Variants in DNAJC21 observed in about 807,000 individuals in gnomAD.
DNAJC21 encodes the protein dnaJ homolog subfamily C member 21.
A neutral mutation model predicts 72.4 loss-of-function variants in DNAJC21; 63 were observed. That is an observed-to-expected ratio of 0.87 (90% CI 0.71 to 1.07). DNAJC21 has a LOEUF of 1.07. Ranked by LOEUF, DNAJC21 falls within the 50% of genes least tolerant of loss-of-function variation. The pLI, the probability that DNAJC21 is intolerant of heterozygous loss-of-function variation, is 0.00. For synonymous variants in DNAJC21, 203 were observed against 216.7 expected (o/e 0.94, Z 0.56); for missense variants, 634 against 644.8 (o/e 0.98, Z 0.18).
chr5:34,944,930 G>A lies in DNAJC21; in HGVS notation c.1047G>A (p.Leu349=), dbSNP rs1765123326. 1 of 1,613,922 alleles carries A rather than the reference G, an allele frequency of 6.2e-7. No homozygotes were observed. The highest frequency in any genetic ancestry group is 1.7e-5 in the Admixed American group (1 of 59,988). ...REMVALLKQQ[L]EEEEENFSRP... is the part of the protein sequence containing the mutation. ...TGGTGGCCTTGCTAAAACAACAGCT[G>A]GAGGAGGAAGAAGAAAATTTTTCAA... Residue 349 remains leucine, a synonymous_variant, in exon 8 of 12, where the codon CTG becomes CTA. Coordinates refer to ENST00000648817, the MANE Select transcript of DNAJC21 (RefSeq NM_001012339.3).
At chr5:34,931,353 A>G (rs770730704) in intron 1 of DNAJC21, among the ~76,000 whole-genome samples, 8 of 152,244 alleles carry the variant, frequency 5.3e-5, no homozygotes, top group South Asian at 2.1e-4. Context: ...AAAATAGTGT[A>G]GAAGTATATT....
chr5:34,944,426 G>A (rs770355847), intron 7 of DNAJC21, among the ~76,000 whole-genome samples: 4 of 152,088 alleles, frequency 2.6e-5, no homozygotes, highest in African/African-American at 9.7e-5. Context: ...CAAGTCTGTG[G>A]GATGGCCTGG....
At position 34,936,168 on chromosome 5, in the gene DNAJC21, GT is replaced by G. The variant is rs1764767232; in HGVS notation, c.345del (p.Phe115LeufsTer3). ...GGGATTTTACACGGTGTATCGTAAT[GT>G]TTTTGAAATGATTGCCAAGGAAGAA... ...EKGFYTVYRN[V>X]FEMIAKEELE... is the part of the protein sequence containing the mutation. On this transcript the variant is annotated frameshift_variant, in exon 4 of 12. Coordinates refer to ENST00000648817, the MANE Select transcript of DNAJC21 (RefSeq NM_001012339.3). LOFTEE classifies it high-confidence loss of function. 1 of 1,613,888 alleles carries G rather than the reference GT, an allele frequency of 6.2e-7. No individual in the cohort carries two copies. Among genetic ancestry groups the G allele is most frequent in the Non-Finnish European group, 8.5e-7 (1 of 1,179,972 alleles).
At chr5:34,945,505 T>C (rs1382313446) in intron 8 of DNAJC21, among the ~76,000 whole-genome samples, 1 of 152,216 alleles carries the variant, frequency 6.6e-6, no homozygotes, top group Non-Finnish European at 1.5e-5. Flanking sequence ...TAGAACATAT[T>C]ATCACTATAT....
Position 34,933,837 on chromosome 5 carries a change from A to G in DNAJC21, c.120A>G (p.Ala40=), listed in dbSNP as rs962222842. Residue 40 remains alanine, a synonymous_variant, in exon 2 of 12, where the codon GCA becomes GCG. Coordinates refer to ENST00000648817, the MANE Select transcript of DNAJC21 (RefSeq NM_001012339.3). ...WHPDKNLDNA[A]EAAEQFKLIQ... ...CAGATAAAAATCTGGATAATGCCGC[A>G]GAAGCAGCTGAACAATTTAAATTAA... The G allele has an allele frequency of 1.3e-5, 21 of 1,613,912 alleles. No homozygotes were observed. Among genetic ancestry groups the G allele is most frequent in the Non-Finnish European group, 1.7e-5 (20 of 1,179,906 alleles).
chr5:34,950,515 G>T, intron 10 of DNAJC21, 173 bp downstream of exon 10: 1 of 1,271,558 alleles, frequency 7.9e-7, no homozygotes, highest in Non-Finnish European at 9.9e-7. Context: ...GAAGAGCGTT[G>T]AGAAGAGGAT....
intron 10 of DNAJC21, 115 bp downstream of exon 10, chr5:34,950,457 A>G: frequency 1.4e-6 from 2 of 1,447,974 alleles, no homozygotes; most frequent in Non-Finnish European, 1.8e-6. Context: ...ATTTAGATGT[A>G]TCTGTACATA....
intron 7 of DNAJC21, among the ~76,000 whole-genome samples, chr5:34,942,793 G>A (rs190633767): frequency 5.9e-5 from 9 of 152,122 alleles, no homozygotes; most frequent in African/African-American, 2.2e-4. Context: ...TTCTCGCTGG[G>A]CGCAGTGGCT....
intron 1 of DNAJC21, among the ~76,000 whole-genome samples, chr5:34,931,797 G>T (rs760254037): frequency 6.6e-6 from 1 of 152,104 alleles, no homozygotes; most frequent in Non-Finnish European, 1.5e-5. Flanking sequence ...TCAGCGGGAG[G>T]GGGAAAGCGC....
At chr5:34,936,827 T>G (rs1764795377) in intron 4 of DNAJC21, among the ~76,000 whole-genome samples, 1 of 152,180 alleles carries the variant, frequency 6.6e-6, no homozygotes. Flanking sequence ...CTCAGCTCAC[T>G]GCAACCTCAG....
intron 3 of DNAJC21, 123 bp from the exon 4 acceptor site, chr5:34,936,021 G>A (rs1293933165): frequency 1.4e-6 from 2 of 1,448,642 alleles, no homozygotes; most frequent in Non-Finnish European, 1.9e-6. Flanking sequence ...TAAATGTATT[G>A]CAGGGACTGA....
chr5:34,958,195 C>T lies in DNAJC21; in HGVS notation c.*3481C>T, dbSNP rs976361806. 4 of 152,116 alleles carry T rather than the reference C, an allele frequency of 2.6e-5. No homozygotes were observed. Among genetic ancestry groups the T allele is most frequent in the African/African-American group, 7.2e-5 (3 of 41,412 alleles). 9.4% of individuals were successfully genotyped at this position (152,116 alleles called of 1,614,324 possible). ...AAAGCAAGATAATTTTGAAGAAGGA[C>T]GAGAGGAAGAGGCATGAACTTGTCC... On this transcript the variant is annotated 3_prime_UTR_variant, in exon 12 of 12. Coordinates refer to ENST00000648817, the MANE Select transcript of DNAJC21 (RefSeq NM_001012339.3).
At position 34,935,771 on chromosome 5, in the gene DNAJC21, A is replaced by G. The variant is rs765760154; in HGVS notation, c.253A>G (p.Ser85Gly). ...GGFDGEYQDD[S>G]LDLLRYFTVT... ...GTTTGATGGCGAATATCAAGATGACAGCTTAGATTTGCTACGCTATTTCAC... is the reference window on the plus strand; with the variant it reads ...GTTTGATGGCGAATATCAAGATGACGGCTTAGATTTGCTACGCTATTTCAC... Residue 85 changes from serine to glycine, a missense_variant, in exon 3 of 12, where the codon AGC (serine) becomes GGC (glycine). Ser to Gly is a moderately conservative substitution (Grantham distance 56). Transcript: ENST00000648817. 74 of 1,614,070 alleles carry G rather than the reference A, an allele frequency of 4.6e-5. No homozygotes were observed. The Middle Eastern group carries it at 3.6e-3, about 79-fold the overall frequency.
At chr5:34,938,650 A>G (rs1764877117) in intron 5 of DNAJC21, among the ~76,000 whole-genome samples, 1 of 152,220 alleles carries the variant, frequency 6.6e-6, no homozygotes, top group African/African-American at 2.4e-5. Context: ...CCTGTTATCT[A>G]CTACTGGAGC....
intron 9 of DNAJC21, among the ~76,000 whole-genome samples, chr5:34,948,776 A>G (rs1421988413): frequency 6.6e-6 from 1 of 152,104 alleles, no homozygotes; most frequent in Non-Finnish European, 1.5e-5. Context: ...GAGGCAGGAG[A>G]ATCGTTGGAA....
chr5:34,936,028 C>A, intron 3 of DNAJC21, 116 bp from the exon 4 acceptor site: 2 of 1,475,206 alleles, frequency 1.4e-6, no homozygotes, highest in Admixed American at 4.5e-5. Flanking sequence ...ATTGCAGGGA[C>A]TGAACTTTGT....
At chr5:34,950,146 C>T (rs555956088) in intron 9 of DNAJC21, 24 bp from the exon 10 acceptor site, 83 of 1,569,966 alleles carry the variant, frequency 5.3e-5, no homozygotes, top group South Asian at 3.9e-4. Flanking sequence ...TATTTTGTAA[C>T]GGCACATATG....
At chr5:34,944,026 C>T (rs1052864162) in intron 7 of DNAJC21, among the ~76,000 whole-genome samples, 25 of 152,156 alleles carry the variant, frequency 1.6e-4, no homozygotes, top group African/African-American at 5.8e-4. Flanking sequence ...GAAAGAAAAA[C>T]AGCAACTAAA....
chr5:34,943,835 T>A (rs1483764216), intron 7 of DNAJC21, among the ~76,000 whole-genome samples: 1 of 152,216 alleles, frequency 6.6e-6, no homozygotes, highest in Admixed American at 6.5e-5. Flanking sequence ...TTTCAGTGTT[T>A]TATAATTCAT....
Sources: gnomAD v4.1 joint callset for allele counts (sites outside exome capture counted in the v4.1 genomes callset) on GRCh38, gnomAD v4.1.1 for gene constraint, MANE v1.5 for transcripts, NCBI Gene and HGNC (gene_info 2026-07-23, HGNC 2026-07-21) for gene names.